Variants in XPC observed in about 807,000 individuals in gnomAD.
XPC encodes the protein DNA repair protein complementing XP-C cells.
Under a neutral mutation model 95.8 loss-of-function variants are expected in XPC, and 76 were observed. The ratio of observed to expected loss-of-function variants is 0.79; its 90% CI spans 0.66 to 0.96. The LOEUF is 0.96. Among genes scored for constraint, XPC ranks in the 40% least tolerant of loss-of-function variants. The pLI is 0.00. For missense variants in XPC, 1,146 were observed against 1,179.8 expected (o/e 0.97, Z 0.42); for synonymous variants, 442 against 442.1 (o/e 1.00, Z 0.00).
chr3:14,158,559 C>A lies in XPC; in HGVS notation c.1324G>T (p.Gly442Cys). 6.2e-7 allele frequency: 1 copy of A among 1,613,388 alleles called. No individual in the cohort carries two copies. The highest frequency in any genetic ancestry group is 8.5e-7 in the Non-Finnish European group (1 of 1,179,836). Reference sequence around the variant, plus strand: ...CCACTGGAGAGCTCAAAATCAGAGCCGCTGCCAGCCTCATCACTCCCACTC... The same window carrying A: ...CCACTGGAGAGCTCAAAATCAGAGCAGCTGCCAGCCTCATCACTCCCACTC... The part of the protein sequence containing the change: ...EESGSDEAGS[G>C]SDFELSSGEA... Residue 442 changes from glycine (G) to cysteine (C), a missense_variant, in exon 9 of 16, where the codon GGC becomes TGC. Gly to Cys is a radical substitution (Grantham distance 159, BLOSUM62 -3). Coordinates refer to ENST00000285021, the MANE Select transcript of XPC (RefSeq NM_004628.5). The surrounding 1 kb of genome is among the most constrained non-coding windows in gnomAD (Gnocchi z 5.2).
Position 14,147,380 on chromosome 3 carries a change from C to T in XPC, c.2515-1G>A, listed in dbSNP as rs375910154. The T allele has an allele frequency of 6.9e-6, 11 of 1,604,156 alleles. No individual in the cohort carries two copies. Among genetic ancestry groups the T allele is most frequent in the Non-Finnish European group, 9.4e-6 (11 of 1,175,506 alleles). On this transcript the variant is annotated splice_acceptor_variant, in intron 14 of 15. Coordinates refer to ENST00000285021, the MANE Select transcript of XPC (RefSeq NM_004628.5). LOFTEE classifies it high-confidence loss of function. ...TCCCTAGAGCCCGCTTCTCCTTTTT[C>T]TGCAGGCAAAAATGAAGTGGGAGAA...
chr3:14,154,394 G>A (rs1264387292), intron 10 of XPC, among the ~76,000 whole-genome samples: 1 of 152,168 alleles, frequency 6.6e-6, no homozygotes, highest in East Asian at 1.9e-4. Context: ...AGGTGGAGAC[G>A]AGCCAAGTGC....
rs1196500974 is a variant in XPC, at chr3:14,170,660, A to G, written c.300-110T>C. The G allele has an allele frequency of 3.4e-5, 27 of 788,166 alleles. No homozygotes were observed. The East Asian group carries it at 6.5e-4, about 19-fold the overall frequency. The allele number at this position is 788,166 out of a possible 1,614,324, so 48.8% of individuals were successfully genotyped here. A position where few individuals can be genotyped will look rare whatever the true frequency, so the allele number is the denominator to read the frequency against. ...CTCCTATTTATTGAGAATCTGTTGCAACTATTTAAAGATGATTAGTAAGCT... is the reference window on the plus strand; with the variant it reads ...CTCCTATTTATTGAGAATCTGTTGCGACTATTTAAAGATGATTAGTAAGCT... On this transcript the variant is annotated intron_variant, in intron 2 of 15. Coordinates refer to ENST00000285021, the MANE Select transcript of XPC (RefSeq NM_004628.5).
At chr3:14,149,998 G>GT (rs1447162556) in intron 11 of XPC, 1 of 152,262 alleles carries the variant, frequency 6.6e-6, no homozygotes, top group Non-Finnish European at 1.5e-5. Context: ...CTGATGGCTG[G>GT]TAAGTGACAA....
chr3:14,161,647 A>T (rs930322851), intron 7 of XPC, among the ~76,000 whole-genome samples: 7 of 149,432 alleles, frequency 4.7e-5, no homozygotes, highest in Non-Finnish European at 8.9e-5. Context: ...AAAAAAAAAA[A>T]TTCAGAACAC....
chr3:14,172,237 G>T (rs1696643999), intron 2 of XPC, among the ~76,000 whole-genome samples: 1 of 152,218 alleles, frequency 6.6e-6, no homozygotes, highest in Admixed American at 6.5e-5. Flanking sequence ...CATGGTTCCA[G>T]CCCTCTGAGA....
chr3:14,167,141 G>C, intron 5 of XPC, 28 bp downstream of exon 5: 1 of 1,544,240 alleles, frequency 6.5e-7, no homozygotes, highest in East Asian at 2.4e-5. Context: ...ACAAGGAAAA[G>C]TCCTTCCCCA....
chr3:14,178,402 G>A (rs1445088149), intron 1 of XPC, 64 bp downstream of exon 1: 4 of 1,518,544 alleles, frequency 2.6e-6, no homozygotes, highest in Non-Finnish European at 3.5e-6. Flanking sequence ...CTCCCGCCCT[G>A]CCTCTGGGCC....
At chr3:14,147,790 G>A (rs981598405) in intron 14 of XPC, 118 bp downstream of exon 14, 2 of 901,982 alleles carry the variant, frequency 2.2e-6, no homozygotes, top group Non-Finnish European at 3.4e-6. Context: ...CTGCCATGAT[G>A]TCAGAGAGGG....
At chr3:14,148,129 G>C in intron 13 of XPC, 128 bp from the exon 14 acceptor site, 1 of 776,556 alleles carries the variant, frequency 1.3e-6, no homozygotes, top group South Asian at 1.8e-5. Flanking sequence ...TCGCGGGTCA[G>C]CCAGTGTCCC....
rs188716339 is a variant in XPC at position 14,168,287 on chromosome 3, G to A, written c.506C>T (p.Thr169Met). Residue 169 changes from threonine (T) to methionine (M), a missense_variant, in exon 4 of 16, where the codon ACG (threonine) becomes ATG (methionine). Transcript: ENST00000285021. ...PVKPVEIEIETPEQAKTRERS... is the reference protein window; with the variant it reads ...PVKPVEIEIEMPEQAKTRERS... The stretch of plus-strand genomic sequence containing the variant: ...TTCTCTTGTCTTCGCCTGCTCTGGC[G>A]TTTCAATCTCTATCTCCACTGGCTT... 3.4e-5 allele frequency: 55 copies of A among 1,613,382 alleles called. No homozygotes were observed. In the African/African-American group the frequency reaches 3.7e-4, roughly 11 times the overall value.
intron 4 of XPC, among the ~76,000 whole-genome samples, chr3:14,167,808 G>A (rs1410577723): frequency 1.3e-5 from 2 of 152,176 alleles, no homozygotes; most frequent in African/African-American, 4.8e-5. Flanking sequence ...CCGGGATGCT[G>A]GGAAGGATAG....
chr3:14,167,749 G>A (rs1244521164), intron 4 of XPC, among the ~76,000 whole-genome samples: 1 of 152,092 alleles, frequency 6.6e-6, no homozygotes, highest in Non-Finnish European at 1.5e-5. Flanking sequence ...CTAGTAATGT[G>A]CCCATCGCAC....
At position 14,147,284 on chromosome 3, in the gene XPC, A is replaced by G; in HGVS notation, c.2604+6T>C. ...CTTGTCTTCTCTGCAAAGAACCTGC[A>G]CTGACCTTGGGCCCGTAGCGACGCT... On this transcript the variant is annotated splice_donor_region_variant and intron_variant, in intron 15 of 15. Transcript: ENST00000285021. 1 of 1,606,328 alleles carries G rather than the reference A, an allele frequency of 6.2e-7. No homozygotes were observed.
intron 1 of XPC, 65 bp downstream of exon 1, chr3:14,178,401 T>G: frequency 6.6e-7 from 1 of 1,514,010 alleles, no homozygotes; most frequent in South Asian, 1.3e-5. Context: ...ACTCCCGCCC[T>G]GCCTCTGGGC....
intron 11 of XPC, chr3:14,151,596 C>T (rs1263752229): frequency 6.6e-6 from 1 of 152,198 alleles, no homozygotes; most frequent in Non-Finnish European, 1.5e-5. Flanking sequence ...TTCCCGGAGT[C>T]TTGCAACCCC....
At chr3:14,162,420 G>A (rs546641740) in intron 7 of XPC, among the ~76,000 whole-genome samples, 6 of 152,264 alleles carry the variant, frequency 3.9e-5, no homozygotes, top group Non-Finnish European at 7.4e-5. Flanking sequence ...TTGTACTGGC[G>A]TAAGAACAGA....
In XPC at chr3:14,158,492, G is replaced by A. The variant is rs1696024365; in HGVS notation, c.1391C>T (p.Pro464Leu). 6.2e-7 allele frequency: 1 copy of A among 1,612,262 alleles called. No individual in the cohort carries two copies. The highest frequency in any genetic ancestry group is 8.5e-7 in the Non-Finnish European group (1 of 1,178,870). ...AGCGGGGGCTTTCCTCTGCTTTGGA[G>A]GGCCAGGTTCGGAATCCTCATCAGA... ...DPSDEDSEPG[P>L]PKQRKAPAPQ... Residue 464 changes from proline (P) to leucine (L), a missense_variant, in exon 9 of 16, where the codon CCT becomes CTT. Coordinates refer to ENST00000285021, the MANE Select transcript of XPC (RefSeq NM_004628.5). The surrounding 1 kb of genome is among the most constrained non-coding windows in gnomAD (Gnocchi z 5.2).
chr3:14,162,637 G>A (rs1319862699), intron 7 of XPC, among the ~76,000 whole-genome samples: 2 of 152,104 alleles, frequency 1.3e-5, no homozygotes, highest in African/African-American at 2.4e-5. Context: ...AACTCACAAC[G>A]TATGTAAGAG....
Sources: allele counts gnomAD v4.1 joint callset (sites outside exome capture counted in the v4.1 genomes callset), GRCh38; gene constraint gnomAD v4.1.1; non-coding constraint Gnocchi (gnomAD v3.1); transcripts MANE v1.5; gene names NCBI Gene and HGNC (gene_info 2026-07-23, HGNC 2026-07-21).